CYBA: variants seen among roughly 807,000 people sequenced by gnomAD.
The protein encoded by CYBA is cytochrome b-245 light chain.
A neutral mutation model predicts 20.8 loss-of-function variants in CYBA; 21 were observed. The ratio of observed to expected loss-of-function variants is 1.01; its 90% CI spans 0.72 to 1.46. CYBA has a LOEUF of 1.46. CYBA is among the 40% of genes most tolerant of loss of function. The probability of loss-of-function intolerance (pLI) is 0.00; values close to 1 mark genes in which losing one functional copy is unlikely to be tolerated. For missense variants in CYBA, 344 were observed against 287.0 expected (o/e 1.20, Z -1.43); for synonymous variants, 164 against 127.5 (o/e 1.29, Z -1.93).
chr16:88,649,157 T>G (rs909687169), intron 1 of CYBA, among the ~76,000 whole-genome samples: 1 of 151,384 alleles, frequency 6.6e-6, no homozygotes, highest in Non-Finnish European at 1.5e-5. Context: ...CAGGATGGTC[T>G]CGATCTCCTG....
At chr16:88,650,682 T>A in intron 1 of CYBA, 1 of 606,262 alleles carries the variant, frequency 1.6e-6, no homozygotes, top group Non-Finnish European at 3.0e-6. Flanking sequence ...ACTTCCTCCT[T>A]CGCGGAGTCG....
At chr16:88,647,395 C>T (rs1907330271) in intron 2 of CYBA, among the ~76,000 whole-genome samples, 1 of 152,166 alleles carries the variant, frequency 6.6e-6, no homozygotes, top group African/African-American at 2.4e-5. Context: ...ATTTAAAAGC[C>T]AGGTGCAGTG....
intron 5 of CYBA, chr16:88,645,253 G>A (rs1367792800): frequency 1.4e-6 from 1 of 702,454 alleles, no homozygotes; most frequent in East Asian, 2.7e-5. Flanking sequence ...CTTGGCAACA[G>A]GAAGGGGTTC....
intron 4 of CYBA, chr16:88,646,531 G>C: frequency 1.4e-6 from 1 of 700,110 alleles, no homozygotes; most frequent in Admixed American, 2.0e-5. Flanking sequence ...CCAGACCCTG[G>C]CGACGGATCG....
At chr16:88,648,229 C>G in intron 1 of CYBA, 115 bp from the exon 2 acceptor site, 2 of 936,124 alleles carry the variant, frequency 2.1e-6, no homozygotes, top group Non-Finnish European at 3.3e-6. Context: ...CCTACCCATC[C>G]CCACAGCACA....
chr16:88,646,785 T>C lies in CYBA; in HGVS notation c.257A>G (p.Asn86Ser), dbSNP rs1907301134. The change falls in exon 4 of 6, where the codon AAT becomes AGT. Residue 86 changes from asparagine (N) to serine (S), a missense_variant. Coordinates refer to ENST00000261623, the MANE Select transcript of CYBA (RefSeq NM_000101.4). Reference protein sequence around the residue: ...VVKLFGPFTRNYYVRAVLHLL... With the variant: ...VVKLFGPFTRSYYVRAVLHLL... ...ATGCAGGACGGCCCGAACATAGTAA[T>C]TCCTGGTAAAGGGCCCGAACAGCTT... 2 of 1,613,898 alleles carry C rather than the reference T, an allele frequency of 1.2e-6. No individual in the cohort carries two copies. Among genetic ancestry groups the C allele is most frequent in the Admixed American group, 1.7e-5 (1 of 60,004 alleles).
intron 1 of CYBA, among the ~76,000 whole-genome samples, chr16:88,648,377 C>T (rs572665538): frequency 2.0e-5 from 3 of 152,228 alleles, no homozygotes; most frequent in East Asian, 3.9e-4. Context: ...ACAGCCCGAC[C>T]TGCAGGCCCC....
rs1907169189 is a variant in CYBA at position 88,643,607 on chromosome 16, GCCCGCCCTCCCTCCCT to G, written c.370-52_370-37del. The G allele has an allele frequency of 1.3e-6, 2 of 1,510,088 alleles. No homozygotes were observed. Among genetic ancestry groups the G allele is most frequent in the African/African-American group, 2.8e-5 (2 of 71,910 alleles). 93.5% of individuals were successfully genotyped at this position (1,510,088 alleles called of 1,614,324 possible). ...CTGAAGGGTTGAGCCGCGCCCCAGC[GCCCGCCCTCCCTCCCT>G]CCCTCCCTCCCCGGAGGCCCACCCC... On this transcript the variant is annotated intron_variant, in intron 5 of 5. Coordinates refer to ENST00000261623, the MANE Select transcript of CYBA (RefSeq NM_000101.4). This position sits in a 1 kb window ranked among gnomAD's most constrained non-coding sequence, Gnocchi z 4.3.
Position 88,643,311 on chromosome 16 carries a change from G to T in CYBA, c.*42C>A. ...CGCTCCCGGCTTCGCTGCATTTATTGCAGGTGGGTGCACCTGGCGGGAGGG... is the reference window on the plus strand; with the variant it reads ...CGCTCCCGGCTTCGCTGCATTTATTTCAGGTGGGTGCACCTGGCGGGAGGG... On this transcript the variant is annotated 3_prime_UTR_variant, in exon 6 of 6. Coordinates refer to ENST00000261623, the MANE Select transcript of CYBA (RefSeq NM_000101.4). This position sits in a 1 kb window ranked among gnomAD's most constrained non-coding sequence, Gnocchi z 4.3. The T allele has an allele frequency of 7.2e-7, 1 of 1,384,154 alleles. No individual in the cohort carries two copies. Among genetic ancestry groups the T allele is most frequent in the East Asian group, 2.7e-5 (1 of 36,960 alleles). 85.7% of individuals were successfully genotyped at this position (1,384,154 alleles called of 1,614,324 possible). A position where few individuals can be genotyped will look rare whatever the true frequency, so the allele number is the denominator to read the frequency against.
At position 88,643,364 on chromosome 16, in the gene CYBA, C is replaced by CGTCG; in HGVS notation, c.573_576dup (p.Glu193ArgfsTer21). The CGTCG allele has an allele frequency of 3.9e-6, 6 of 1,526,432 alleles. No individual in the cohort carries two copies. In the East Asian group the frequency reaches 1.5e-4, roughly 39 times the overall value. The allele number at this position is 1,526,432 out of a possible 1,614,324, so 94.6% of individuals were successfully genotyped here. A position where few individuals can be genotyped will look rare whatever the true frequency, so the allele number is the denominator to read the frequency against. On this transcript the variant is annotated frameshift_variant, in exon 6 of 6. Transcript: ENST00000261623. The surrounding 1 kb of genome is among the most constrained non-coding windows in gnomAD (Gnocchi z 4.3). The stretch of plus-strand genomic sequence containing the variant: ...GGTCCGGGGCGAGGTCACACGACCT[C>CGTCG]GTCGGTCACCGGGATGGGGTTGACC...
chr16:88,643,411 C>A lies in CYBA; in HGVS notation c.530G>T (p.Gly177Val). ...GACCTGGGGACCTCCCGGGGGTCCC[C>A]CCGCCGCCACCGCAGCCTCCTCCTC... ...PSEEEAAVAA[G>V]GPPGGPQVNP... The change falls in exon 6 of 6, where the codon GGG becomes GTG. Residue 177 changes from glycine to valine, a missense_variant. Transcript: ENST00000261623. This position sits in a 1 kb window ranked among gnomAD's most constrained non-coding sequence, Gnocchi z 4.3. 1 of 1,534,518 alleles carries A rather than the reference C, an allele frequency of 6.5e-7. No individual in the cohort carries two copies. Among genetic ancestry groups the A allele is most frequent in the Non-Finnish European group, 8.7e-7 (1 of 1,143,484 alleles).
chr16:88,643,335 G>A lies in CYBA; in HGVS notation c.*18C>T, dbSNP rs767846433. The A allele has an allele frequency of 2.0e-6, 3 of 1,486,192 alleles. No individual in the cohort carries two copies. In the East Asian group the frequency reaches 7.9e-5, roughly 39 times the overall value. 92.1% of individuals were successfully genotyped at this position (1,486,192 alleles called of 1,614,324 possible). ...TGCAGGTGGGTGCACCTGGCGGGAG[G>A]GCAGGTCCGGGGCGAGGTCACACGA... On this transcript the variant is annotated 3_prime_UTR_variant, in exon 6 of 6. Coordinates refer to ENST00000261623, the MANE Select transcript of CYBA (RefSeq NM_000101.4). This position sits in a 1 kb window ranked among gnomAD's most constrained non-coding sequence, Gnocchi z 4.3.
At chr16:88,645,825 G>A in intron 5 of CYBA, 1 of 557,094 alleles carries the variant, frequency 1.8e-6, no homozygotes, top group Non-Finnish European at 3.2e-6. Context: ...GCACCTCCCT[G>A]AGCCTCCGCA....
In CYBA at chr16:88,643,501, G is replaced by A; in HGVS notation, c.440C>T (p.Thr147Ile). ...GGGGTTGCTGGGCGGCTGCTTGATG[G>A]TGCCTCCGATCTGCGGCCGCTCCCG... ...KPRERPQIGG[T>I]IKQPPSNPPP... The change falls in exon 6 of 6, where the codon ACC (threonine) becomes ATC (isoleucine). Residue 147 changes from threonine to isoleucine, a missense_variant. Thr to Ile is a moderately conservative substitution (Grantham distance 89). Coordinates refer to ENST00000261623, the MANE Select transcript of CYBA (RefSeq NM_000101.4). The surrounding 1 kb of genome is among the most constrained non-coding windows in gnomAD (Gnocchi z 4.3). 6.5e-7 allele frequency: 1 copy of A among 1,534,308 alleles called. No individual in the cohort carries two copies. The highest frequency in any genetic ancestry group is 2.4e-5 in the East Asian group (1 of 40,820).
intron 5 of CYBA, 59 bp downstream of exon 5, chr16:88,646,057 G>T (rs1223596415): frequency 2.8e-6 from 4 of 1,414,020 alleles, no homozygotes; most frequent in Non-Finnish European, 3.9e-6. Flanking sequence ...GTCCGAGGGT[G>T]TCAGGGCAGG....
chr16:88,647,051 G>T, intron 3 of CYBA, 50 bp downstream of exon 3: 1 of 1,539,648 alleles, frequency 6.5e-7, no homozygotes, highest in Non-Finnish European at 8.9e-7. Flanking sequence ...TGTGAGCCCT[G>T]CCTGGGCCCC....
At chr16:88,650,673 C>G (rs766861246) in intron 1 of CYBA, 36 of 602,380 alleles carry the variant, frequency 6.0e-5, no homozygotes, top group South Asian at 6.0e-4. Context: ...TGCGCTGCAA[C>G]TTCCTCCTTC....
chr16:88,645,287 A>G (rs1187645270), intron 5 of CYBA: 2 of 702,440 alleles, frequency 2.8e-6, no homozygotes, highest in Admixed American at 4.0e-5. Flanking sequence ...TGCCGGTGGC[A>G]GGTCAGTGAG....
intron 1 of CYBA, among the ~76,000 whole-genome samples, chr16:88,649,732 C>A (rs1907433933): frequency 6.6e-6 from 1 of 152,186 alleles, no homozygotes; most frequent in Non-Finnish European, 1.5e-5. Context: ...GAGGAGGGGG[C>A]CGGAGAGCCG....
Sources: gnomAD v4.1 joint callset for allele counts (sites outside exome capture counted in the v4.1 genomes callset) on GRCh38, gnomAD v4.1.1 for gene constraint, Gnocchi (gnomAD v3.1) non-coding constraint, MANE v1.5 for transcripts, NCBI Gene and HGNC (gene_info 2026-07-23, HGNC 2026-07-21) for gene names.